The following BRWD1 variants were observed in gnomAD, a reference collection of about 807,000 sequenced individuals.
BRWD1 encodes the protein bromodomain and WD repeat-containing protein 1.
BRWD1 carries 82 observed loss-of-function variants against 251.2 expected under a neutral mutation model. That is an observed-to-expected ratio of 0.33 (90% CI 0.27 to 0.39). BRWD1 has a LOEUF of 0.39. Among genes scored for constraint, BRWD1 ranks in the 10% least tolerant of loss-of-function variants. The pLI is 1.00. For synonymous variants in BRWD1, 918 were observed against 902.8 expected (o/e 1.02, Z -0.30); for missense variants, 2,233 against 2,711.6 (o/e 0.82, Z 3.92).
rs73221197 is a variant in BRWD1 at position 39,187,844 on chromosome 21, G to A, written c.*8415C>T. ...CAGAGTTGCTTTAAGGAACCAAAAA[G>A]TGCAGAGTGCTATGAGAACACAGAC... is the stretch of plus-strand genomic sequence containing the variant. On this transcript the variant is annotated 3_prime_UTR_variant, in exon 41 of 41. Transcript: ENST00000342449. 6.2e-3 allele frequency: 6,148 copies of A among 984,952 alleles called. 22 individuals are homozygous for A. Among genetic ancestry groups the A allele is most frequent in the Non-Finnish European group, 7.1e-3 (5,851 of 829,592 alleles). 61.0% of individuals were successfully genotyped at this position (984,952 alleles called of 1,614,324 possible). A position where few individuals can be genotyped will look rare whatever the true frequency, so the allele number is the denominator to read the frequency against.
At chr21:39,290,314 C>T (rs1235837699) in intron 8 of BRWD1, among the ~76,000 whole-genome samples, 2 of 151,566 alleles carry the variant, frequency 1.3e-5, no homozygotes, top group African/African-American at 2.4e-5. Context: ...ACAGTGAAAC[C>T]CCATCTCTAC....
chr21:39,231,054 T>C (rs905488730), intron 25 of BRWD1, among the ~76,000 whole-genome samples: 2 of 152,224 alleles, frequency 1.3e-5, no homozygotes, highest in Non-Finnish European at 2.9e-5. Context: ...ACCGCCAATG[T>C]ATATAAAGCC....
At chr21:39,278,947 C>G in intron 9 of BRWD1, 134 bp from the exon 10 acceptor site, 1 of 650,002 alleles carries the variant, frequency 1.5e-6, no homozygotes, top group Non-Finnish European at 2.3e-6. Context: ...GTTGCCCACA[C>G]TAGACACAAA....
At chr21:39,198,056 TCACTTAA>T (rs960034274) in intron 40 of BRWD1, among the ~76,000 whole-genome samples, 20 of 152,118 alleles carry the variant, frequency 1.3e-4, no homozygotes, top group African/African-American at 4.8e-4. Flanking sequence ...TGCAAAGTAA[TCACTTAA>T]CACTCAGCCT....
At chr21:39,319,326 A>G (rs922056372) in intron 1 of BRWD1, among the ~76,000 whole-genome samples, 1 of 151,972 alleles carries the variant, frequency 6.6e-6, no homozygotes, top group Non-Finnish European at 1.5e-5. Flanking sequence ...CTCCCTTGCC[A>G]TTGGCTTCTG....
intron 18 of BRWD1, 129 bp downstream of exon 18, chr21:39,258,358 A>T: frequency 1.3e-6 from 1 of 780,122 alleles, no homozygotes; most frequent in Non-Finnish European, 1.9e-6. Context: ...CCTTCAGACT[A>T]CTAATTAAGT....
chr21:39,296,747 C>A, intron 5 of BRWD1: 1 of 908,888 alleles, frequency 1.1e-6, no homozygotes. Context: ...AAAAGATGGA[C>A]CATAAAACCA....
At position 39,192,007 on chromosome 21, in the gene BRWD1, A is replaced by C; in HGVS notation, c.*4252T>G. 4.1e-6 allele frequency: 4 copies of C among 985,168 alleles called. No homozygotes were observed. The highest frequency in any genetic ancestry group is 4.8e-6 in the Non-Finnish European group (4 of 829,714). The allele number at this position is 985,168 out of a possible 1,614,324, so 61.0% of individuals were successfully genotyped here. ...AAGATAGAGCCTGCAGATTGGTAGA[A>C]TCCAAATGATGTGACTCTCCCCCTC... is the stretch of plus-strand genomic sequence containing the variant. On this transcript the variant is annotated 3_prime_UTR_variant, in exon 41 of 41. Transcript: ENST00000342449.
chr21:39,220,761 T>C (rs1243282825), intron 29 of BRWD1, among the ~76,000 whole-genome samples: 2 of 152,136 alleles, frequency 1.3e-5, no homozygotes, highest in African/African-American at 4.8e-5. Context: ...ATCCAACTTT[T>C]AGAGATGAAA....
intron 4 of BRWD1, among the ~76,000 whole-genome samples, chr21:39,304,365 C>T (rs962118026): frequency 1.3e-5 from 2 of 152,106 alleles, no homozygotes; most frequent in African/African-American, 4.8e-5. Flanking sequence ...AATCCCAGCA[C>T]TTTGGGAAGC....
chr21:39,267,994 C>G (rs888007127), intron 15 of BRWD1, among the ~76,000 whole-genome samples: 2 of 152,150 alleles, frequency 1.3e-5, no homozygotes, highest in African/African-American at 4.8e-5. Flanking sequence ...CTGCACACAG[C>G]AGGTAGCCCC....
At chr21:39,275,636 A>C (rs367855856) in intron 12 of BRWD1, among the ~76,000 whole-genome samples, 10 of 152,338 alleles carry the variant, frequency 6.6e-5, no homozygotes, top group East Asian at 5.8e-4. Flanking sequence ...GAAGTGGCAG[A>C]GATGTTTATT....
At position 39,190,665 on chromosome 21, in the gene BRWD1, C is replaced by T; in HGVS notation, c.*5594G>A. 2 of 985,370 alleles carry T rather than the reference C, an allele frequency of 2.0e-6. No homozygotes were observed. Among genetic ancestry groups the T allele is most frequent in the Non-Finnish European group, 2.4e-6 (2 of 829,908 alleles). The allele number at this position is 985,370 out of a possible 1,614,324, so 61.0% of individuals were successfully genotyped here. On this transcript the variant is annotated 3_prime_UTR_variant, in exon 41 of 41. Transcript: ENST00000342449. ...TAACATTTATCAATGATCTTCATCC[C>T]TCCCAAAGCAGAAGTTTCCAAAAAC...
intron 15 of BRWD1, among the ~76,000 whole-genome samples, chr21:39,265,452 T>C (rs1024831054): frequency 1.3e-5 from 2 of 151,658 alleles, no homozygotes; most frequent in African/African-American, 4.8e-5. Context: ...TAAAAACAAA[T>C]GTTTCATTAA....
At chr21:39,210,954 G>C (rs1251320279) in intron 34 of BRWD1, 25 bp from the exon 35 acceptor site, 1 of 1,601,702 alleles carries the variant, frequency 6.2e-7, no homozygotes, top group Admixed American at 1.8e-5. Flanking sequence ...ACAGTCTTAA[G>C]AAAAATCACA....
At position 39,229,090 on chromosome 21, in the gene BRWD1, T is replaced by C. The variant is rs145103639; in HGVS notation, c.3125+222A>G. Among the ~76,000 whole-genome samples, 515 of 152,184 alleles carry C rather than the reference T, an allele frequency of 3.4e-3. 3 individuals carry two copies. Among genetic ancestry groups the C allele is most frequent in the African/African-American group, 0.012 (497 of 41,522 alleles). Reference sequence around the variant, plus strand: ...CCACATAAGCAGCATGAAAACCATATAAAACAGACTGCCCACACTTAACTA... The same window carrying C: ...CCACATAAGCAGCATGAAAACCATACAAAACAGACTGCCCACACTTAACTA... On this transcript the variant is annotated intron_variant, in intron 26 of 40. Coordinates refer to ENST00000342449, the MANE Select transcript of BRWD1 (RefSeq NM_033656.4).
intron 8 of BRWD1, among the ~76,000 whole-genome samples, chr21:39,290,556 A>C (rs963073429): frequency 6.6e-6 from 1 of 152,170 alleles, no homozygotes; most frequent in African/African-American, 2.4e-5. Flanking sequence ...GTAGGTGATA[A>C]ACGCATGTGA....
intron 15 of BRWD1, among the ~76,000 whole-genome samples, chr21:39,267,369 G>A (rs545549729): frequency 6.6e-6 from 1 of 152,218 alleles, no homozygotes; most frequent in Non-Finnish European, 1.5e-5. Context: ...GCCGAGGCGG[G>A]CGGATCACAA....
At chr21:39,312,473 C>CA (rs2036520856) in intron 4 of BRWD1, 1 of 184,078 alleles carries the variant, frequency 5.4e-6, no homozygotes, top group Non-Finnish European at 1.2e-5. Flanking sequence ...CGAGGCCAAT[C>CA]AGAGCGCGAG....
Sources: gnomAD v4.1 joint callset for allele counts (sites outside exome capture counted in the v4.1 genomes callset) on GRCh38, gnomAD v4.1.1 for gene constraint, MANE v1.5 for transcripts, NCBI Gene and HGNC (gene_info 2026-07-23, HGNC 2026-07-21) for gene names.